Variants in MPPE1 observed in about 807,000 individuals in gnomAD.
The protein encoded by MPPE1 is metallophosphoesterase 1, also known as metallo phosphoesterase.
In MPPE1, 28 loss-of-function variants were observed where a neutral mutation model predicts 43.8. The observed-to-expected ratio is 0.64, with a 90% CI of 0.47 to 0.88. MPPE1 has a LOEUF of 0.88. MPPE1 is among the 40% of genes least tolerant of loss of function. MPPE1 has a pLI of 0.00. For synonymous variants in MPPE1, 159 were observed against 188.5 expected, an observed-to-expected ratio of 0.84 and a Z score of 1.28; for missense variants, 428 against 492.2, an observed-to-expected ratio of 0.87 and a Z score of 1.23.
chr18:11,890,496 C>G (rs1403499886), intron 4 of MPPE1, among the ~76,000 whole-genome samples: 5 of 151,796 alleles, frequency 3.3e-5, no homozygotes, highest in Admixed American at 2.6e-4. Flanking sequence ...TTTTAGTAGA[C>G]ACAGGGTTTC....
At chr18:11,885,392 C>CA in intron 10 of MPPE1, 1 of 415,022 alleles carries the variant, frequency 2.4e-6, no homozygotes, top group Non-Finnish European at 4.3e-6. Flanking sequence ...AAATTAAACA[C>CA]ACACAGAGTG....
intron 2 of MPPE1, chr18:11,905,333 AC>A (rs1171036514): frequency 1.3e-5 from 2 of 152,210 alleles, no homozygotes; most frequent in African/African-American, 2.4e-5. Context: ...ACAAAAAAAA[AC>A]AACAAAAAAC....
rs150678490 is a variant in MPPE1, at chr18:11,897,067, A to G, written c.198T>C (p.Arg66=). ...AAAACATGGCTTTGAGCACAGGCTC[A>G]CGTGTGGTCTGTTCACCATCAGAGG... ...TTASDGEQTT[R]EPVLKAMFLA... The change falls in exon 3 of 11, where the codon CGT becomes CGC. Residue 66 remains arginine (R), a synonymous_variant. Coordinates refer to ENST00000588072, the MANE Select transcript of MPPE1 (RefSeq NM_023075.6). 982 of 1,530,056 alleles carry G rather than the reference A, an allele frequency of 6.4e-4. 13 individuals are homozygous for G. The East Asian group carries it at 0.017, about 26-fold the overall frequency. 94.8% of individuals were successfully genotyped at this position (1,530,056 alleles called of 1,614,324 possible).
At chr18:11,898,287 G>A (rs553336253) in intron 2 of MPPE1, among the ~76,000 whole-genome samples, 393 of 152,192 alleles carry the variant, frequency 2.6e-3, no homozygotes, top group African/African-American at 8.8e-3. Context: ...GGCCAGGCTA[G>A]TCTCAAACTC....
rs112721587 is a variant in MPPE1, at chr18:11,883,656, C to T, written c.*789G>A. The T allele has an allele frequency of 0.019, 2,894 of 153,030 alleles. 37 individuals carry two copies. The highest frequency in any genetic ancestry group is 0.031 in the Middle Eastern group (9 of 294). 9.5% of individuals were successfully genotyped at this position (153,030 alleles called of 1,614,324 possible). A position where few individuals can be genotyped will look rare whatever the true frequency, so the allele number is the denominator to read the frequency against. On this transcript the variant is annotated 3_prime_UTR_variant, in exon 11 of 11. Transcript: ENST00000588072. ...TTAATTGATCAAGTATAAAAATCTA[C>T]GAAAACAATATGTTCTGCACATCAC... is the stretch of plus-strand genomic sequence containing the variant.
At chr18:11,892,755 C>G (rs918694200) in intron 4 of MPPE1, among the ~76,000 whole-genome samples, 2 of 152,098 alleles carry the variant, frequency 1.3e-5, no homozygotes, top group Admixed American at 6.6e-5. Context: ...ATACTATACC[C>G]CAAATTGAAG....
At chr18:11,885,202 A>G (rs2037009093) in intron 10 of MPPE1, 1 of 419,672 alleles carries the variant, frequency 2.4e-6, no homozygotes, top group South Asian at 2.7e-5. Context: ...TACCAGCATC[A>G]TGAGCTGGAT....
rs148786358 is a variant in MPPE1 at position 11,889,264 on chromosome 18, C to T, written c.494+123G>A. The T allele has an allele frequency of 9.7e-4, 589 of 609,748 alleles. 2 individuals are homozygous for T. In the African/African-American group the frequency reaches 9.9e-3, roughly 10 times the overall value. The allele number at this position is 609,748 out of a possible 1,614,324, so 37.8% of individuals were successfully genotyped here. On this transcript the variant is annotated intron_variant, in intron 5 of 10. Transcript: ENST00000588072. ...TTAAAGAGTTTAATATCCCAGAGCT[C>T]ACATCTTTTGAAGAAAACAAATTTC...
At chr18:11,904,345 C>T (rs1202692769) in intron 2 of MPPE1, among the ~76,000 whole-genome samples, 3 of 150,876 alleles carry the variant, frequency 2.0e-5, no homozygotes, top group African/African-American at 4.9e-5. Context: ...GACAAGGTCT[C>T]GCCCTGTCAC....
Position 11,886,967 on chromosome 18 carries a change from T to C in MPPE1, c.628A>G (p.Thr210Ala), listed in dbSNP as rs754068114. The C allele has an allele frequency of 6.8e-6, 11 of 1,613,736 alleles. No homozygotes were observed. The South Asian group carries it at 9.9e-5, about 14-fold the overall frequency. ...NGDGCGICSE[T>A]EAELIEVSHR... ...GAAACTTCAATGAGCTCTGCTTCTGTTTCAGAGCAGATGCCACAGCCATCC... is the reference window on the plus strand; with the variant it reads ...GAAACTTCAATGAGCTCTGCTTCTGCTTCAGAGCAGATGCCACAGCCATCC... The change falls in exon 7 of 11, where the codon ACA becomes GCA. Residue 210 changes from threonine (T) to alanine (A), a missense_variant. This residue lies in a region of MPPE1 where 379 missense variants were observed against 402.5 expected (regional missense o/e 0.94). Coordinates refer to ENST00000588072, the MANE Select transcript of MPPE1 (RefSeq NM_023075.6). This position sits in a 1 kb window ranked among gnomAD's most constrained non-coding sequence, Gnocchi z 4.1.
intron 3 of MPPE1, among the ~76,000 whole-genome samples, chr18:11,894,807 C>A (rs1262927955): frequency 6.6e-6 from 1 of 152,070 alleles, no homozygotes; most frequent in African/African-American, 2.4e-5. Context: ...TCAGGCTGGT[C>A]TCGAACTCCT....
chr18:11,899,877 C>G (rs2038960602), intron 2 of MPPE1, among the ~76,000 whole-genome samples: 1 of 152,222 alleles, frequency 6.6e-6, no homozygotes, highest in Non-Finnish European at 1.5e-5. Context: ...CTGTGAAATG[C>G]ATCCTCAGAA....
At chr18:11,894,431 C>CAAAAAAAAAAAAAAAAAAA (rs66687820) in intron 3 of MPPE1, among the ~76,000 whole-genome samples, 1 of 65,164 alleles carries the variant, frequency 1.5e-5, no homozygotes. Flanking sequence ...GACTCCATCT[C>CAAAAAAAAAAAAAAAAAAA]AAAAAAAAAA....
intron 4 of MPPE1, chr18:11,891,062 C>T (rs758965964): frequency 2.6e-5 from 4 of 152,076 alleles, no homozygotes; most frequent in African/African-American, 9.7e-5. Flanking sequence ...AAAAAAACCT[C>T]TATTCTAGAT....
chr18:11,885,854 G>C (rs754823785), intron 9 of MPPE1, 38 bp from the exon 10 acceptor site: 4 of 1,569,722 alleles, frequency 2.5e-6, no homozygotes, highest in Non-Finnish European at 2.6e-6. Flanking sequence ...CAGGCTGTTA[G>C]CTCATCCTCA....
Position 11,883,221 on chromosome 18 carries a change from GCCTC to G in MPPE1, c.*1220_*1223del, listed in dbSNP as rs762199864. 104 of 120,140 alleles carry G rather than the reference GCCTC, an allele frequency of 8.7e-4. No homozygotes were observed. The highest frequency in any genetic ancestry group is 2.6e-3 in the Admixed American group (35 of 13,232). 7.4% of individuals were successfully genotyped at this position (120,140 alleles called of 1,614,324 possible). On this transcript the variant is annotated 3_prime_UTR_variant, in exon 11 of 11. Coordinates refer to ENST00000588072, the MANE Select transcript of MPPE1 (RefSeq NM_023075.6). ...CATTTTATCTCATCACCGTCTTACTGCCTCCCCATCCACTGTCTCATAAAGCCCT... is the reference window on the plus strand; with the variant it reads ...CATTTTATCTCATCACCGTCTTACTGCCCATCCACTGTCTCATAAAGCCCT...
At position 11,892,037 on chromosome 18, in the gene MPPE1, C is replaced by T. The variant is rs113418713; in HGVS notation, c.390+1431G>A. 3.0e-3 allele frequency among the ~76,000 whole-genome samples: 453 copies of T among 152,272 alleles called. 3 individuals carry two copies. Among genetic ancestry groups the T allele is most frequent in the Admixed American group, 0.011 (164 of 15,294 alleles). On this transcript the variant is annotated intron_variant, in intron 4 of 10. Transcript: ENST00000588072. ...CTGGTTTTGAATTCCTGGGCTCAAA[C>T]GATCCTCCTGCCTTGGACTAGGTCT... is the stretch of plus-strand genomic sequence containing the variant.
chr18:11,884,604 G>C lies in MPPE1; in HGVS notation c.1032C>G (p.Tyr344Ter). Reference protein sequence around the residue: ...FIMGSITPTDYTLSKCYLPRE... With the variant: ...FIMGSITPTD ...GTGGGAGGTAGCACTTGGAGAGGGT[G>C]TAGTCTGTGGGCGTGATGCTACCCT... Residue 344 changes from tyrosine (Y) to a stop codon, truncating the protein, a stop_gained, in exon 11 of 11, where the codon TAC (tyrosine) becomes TAG (stop). Transcript: ENST00000588072. LOFTEE classifies it low-confidence loss of function (END_TRUNC). 1 of 1,613,782 alleles carries C rather than the reference G, an allele frequency of 6.2e-7. No individual in the cohort carries two copies. Among genetic ancestry groups the C allele is most frequent in the South Asian group, 1.1e-5 (1 of 91,086 alleles).
intron 4 of MPPE1, chr18:11,893,221 G>T (rs1253084778): frequency 2.9e-5 from 13 of 446,952 alleles, no homozygotes. Context: ...CTGGCTAATC[G>T]ACATATTTCC....
Sources: gnomAD v4.1 joint callset for allele counts (sites outside exome capture counted in the v4.1 genomes callset) on GRCh38, gnomAD v4.1.1 for gene constraint, gnomAD v4.1.1 regional missense constraint, Gnocchi (gnomAD v3.1) non-coding constraint, MANE v1.5 for transcripts, NCBI Gene and HGNC (gene_info 2026-07-23, HGNC 2026-07-21) for gene names.